PRKCA: variants seen among roughly 807,000 people sequenced by gnomAD.
PRKCA encodes the protein protein kinase C alpha type.
PRKCA carries 27 observed loss-of-function variants against 87.0 expected under a neutral mutation model. The observed-to-expected ratio is 0.31, with a 90% CI of 0.23 to 0.43. PRKCA has a LOEUF of 0.43. Ranked by LOEUF, PRKCA falls within the 20% of genes least tolerant of loss-of-function variation. PRKCA has a pLI of 1.00. For missense variants in PRKCA, 518 were observed against 852.3 expected (o/e 0.61, Z 4.88); for synonymous variants, 329 against 311.1 (o/e 1.06, Z -0.61).
At chr17:66,309,164 T>A (rs535395888) in intron 2 of PRKCA, among the ~76,000 whole-genome samples, 1 of 152,312 alleles carries the variant, frequency 6.6e-6, no homozygotes, top group African/African-American at 2.4e-5. Context: ...TCCCAGTGAC[T>A]CACATATTCA....
intron 11 of PRKCA, 147 bp downstream of exon 11, chr17:66,739,002 C>A: frequency 1.6e-6 from 1 of 635,474 alleles, no homozygotes. Context: ...CCCACCTCAG[C>A]CTCCTGAGTA....
chr17:66,659,735 CGTCACAAAAAAAAGAA>C (rs1479468508), intron 5 of PRKCA, among the ~76,000 whole-genome samples: 1 of 151,404 alleles, frequency 6.6e-6, no homozygotes, highest in Non-Finnish European at 1.5e-5. Flanking sequence ...AGTGAGACTC[CGTCACAAAAAAAAGAA>C]GTCACTAATG....
At chr17:66,409,396 A>C (rs1019651519) in intron 2 of PRKCA, among the ~76,000 whole-genome samples, 1 of 152,128 alleles carries the variant, frequency 6.6e-6, no homozygotes, top group African/African-American at 2.4e-5. Context: ...TGTCTGTTCC[A>C]TTGATGAATT....
chr17:66,443,792 C>T (rs565671748), intron 2 of PRKCA, among the ~76,000 whole-genome samples: 1 of 152,230 alleles, frequency 6.6e-6, no homozygotes, highest in South Asian at 2.1e-4. Flanking sequence ...TGACCACCCA[C>T]ACCTAATGAA....
chr17:66,453,956 T>C (rs147215530), intron 2 of PRKCA, among the ~76,000 whole-genome samples: 28 of 152,364 alleles, frequency 1.8e-4, no homozygotes, highest in African/African-American at 5.8e-4. Flanking sequence ...ATTTGTTTAT[T>C]GATAACCTCA....
intron 2 of PRKCA, among the ~76,000 whole-genome samples, chr17:66,374,203 C>T (rs560472487): frequency 6.6e-6 from 1 of 152,274 alleles, no homozygotes; most frequent in African/African-American, 2.4e-5. Flanking sequence ...TGAATCCTTC[C>T]TCCACCACCT....
chr17:66,771,590 T>C (rs1409731442), intron 13 of PRKCA, among the ~76,000 whole-genome samples: 2 of 152,174 alleles, frequency 1.3e-5, no homozygotes, highest in Admixed American at 1.3e-4. Context: ...TACTTCCTTA[T>C]TTCTTTTTTT....
chr17:66,303,449 A>C (rs1239997629), intron 1 of PRKCA, among the ~76,000 whole-genome samples: 1 of 151,850 alleles, frequency 6.6e-6, no homozygotes, highest in African/African-American at 2.4e-5. Flanking sequence ...AGCGGCGGCG[A>C]TTGCACTGCG....
intron 2 of PRKCA, among the ~76,000 whole-genome samples, chr17:66,344,440 G>C (rs1204011188): frequency 1.3e-5 from 2 of 152,140 alleles, no homozygotes; most frequent in African/African-American, 4.8e-5. Context: ...CAGATAGCTT[G>C]AGCTCAGGAG....
chr17:66,538,752 G>A (rs1435877167), intron 3 of PRKCA, among the ~76,000 whole-genome samples: 1 of 152,162 alleles, frequency 6.6e-6, no homozygotes, highest in Non-Finnish European at 1.5e-5. Context: ...TGGGATTTGA[G>A]GATAACCTTC....
chr17:66,704,159 TAAA>T (rs60117629), intron 8 of PRKCA, among the ~76,000 whole-genome samples: 6 of 140,878 alleles, frequency 4.3e-5, no homozygotes, highest in Admixed American at 7.2e-5. Context: ...TCAGCAAAGT[TAAA>T]AAAAAAAAAA....
In PRKCA at chr17:66,693,415, G is replaced by A. The variant is rs146619659; in HGVS notation, c.918+4368G>A. ...TGTTAAAAAAAGTAAGGTGCCAGCA[G>A]TGGGCTAAGCAGACAGTTCCTGCTT... On this transcript the variant is annotated intron_variant, in intron 8 of 16. Coordinates refer to ENST00000413366, the MANE Select transcript of PRKCA (RefSeq NM_002737.3). Among the ~76,000 whole-genome samples the A allele has an allele frequency of 4.0e-3, 603 of 152,374 alleles. 4 individuals carry two copies. The highest frequency in any genetic ancestry group is 0.014 in the African/African-American group (564 of 41,590).
chr17:66,309,025 A>T (rs890387791), intron 2 of PRKCA, among the ~76,000 whole-genome samples: 6 of 152,214 alleles, frequency 3.9e-5, no homozygotes, highest in African/African-American at 1.4e-4. Context: ...TTCCTCATAC[A>T]TCAGATTATT....
At chr17:66,507,865 C>G (rs1917046399) in intron 3 of PRKCA, among the ~76,000 whole-genome samples, 1 of 152,168 alleles carries the variant, frequency 6.6e-6, no homozygotes, top group Non-Finnish European at 1.5e-5. Context: ...CCTTCCTCAC[C>G]TTGGCTTTGT....
chr17:66,410,044 C>T (rs1911683128), intron 2 of PRKCA, among the ~76,000 whole-genome samples: 1 of 152,136 alleles, frequency 6.6e-6, no homozygotes, highest in Non-Finnish European at 1.5e-5. Context: ...AAACAAGTAC[C>T]AGCTGTTGGC....
At chr17:66,648,830 C>T (rs1472592232) in intron 5 of PRKCA, among the ~76,000 whole-genome samples, 3 of 152,112 alleles carry the variant, frequency 2.0e-5, no homozygotes, top group Non-Finnish European at 1.5e-5. Context: ...CAGTGTCTCA[C>T]ACCTGTAATC....
At chr17:66,526,077 CTG>C (rs762486956) in intron 3 of PRKCA, among the ~76,000 whole-genome samples, 9 of 152,122 alleles carry the variant, frequency 5.9e-5, no homozygotes, top group Non-Finnish European at 1.3e-4. Flanking sequence ...TGTATGCTAA[CTG>C]TATATTGCTC....
chr17:66,551,775 T>TTA (rs149422490), intron 3 of PRKCA, among the ~76,000 whole-genome samples: 8,636 of 151,814 alleles, frequency 0.057, 298 homozygotes, highest in East Asian at 0.11. Context: ...GAATCCTAAT[T>TTA]TATATATATA....
intron 3 of PRKCA, among the ~76,000 whole-genome samples, chr17:66,540,917 A>T (rs533708352): frequency 2.4e-4 from 36 of 152,282 alleles, no homozygotes; most frequent in Middle Eastern, 3.4e-3. Context: ...AGCTGAGAAA[A>T]TGGTCACACC....
Sources: allele counts gnomAD v4.1 joint callset (sites outside exome capture counted in the v4.1 genomes callset), GRCh38; gene constraint gnomAD v4.1.1; transcripts MANE v1.5; gene names NCBI Gene and HGNC (gene_info 2026-07-23, HGNC 2026-07-21).